KIAA1217: variants seen among roughly 807,000 people sequenced by gnomAD.
KIAA1217 encodes KIAA1217, also known as sickle tail protein homolog.
A neutral mutation model predicts 163.9 loss-of-function variants in KIAA1217; 88 were observed. The ratio of observed to expected loss-of-function variants is 0.54; its 90% CI spans 0.45 to 0.64. KIAA1217 has a LOEUF of 0.64. Among genes scored for constraint, KIAA1217 ranks in the 30% least tolerant of loss-of-function variants. The pLI, the probability that KIAA1217 is intolerant of heterozygous loss-of-function variation, is 0.00. For synonymous variants in KIAA1217, 903 were observed against 923.1 expected (o/e 0.98, Z 0.39); for missense variants, 2,372 against 2,475.0 (o/e 0.96, Z 0.88).
intron 2 of KIAA1217, among the ~76,000 whole-genome samples, chr10:24,027,867 C>T (rs753380342): frequency 2.6e-4 from 39 of 152,058 alleles, no homozygotes; most frequent in Non-Finnish European, 3.8e-4. Flanking sequence ...GTCAGATTTG[C>T]ACAGTGTCTA....
chr10:24,233,408 CT>C (rs1389753632), intron 2 of KIAA1217, among the ~76,000 whole-genome samples: 5 of 152,200 alleles, frequency 3.3e-5, no homozygotes, highest in Non-Finnish European at 5.9e-5. Context: ...CATTAGGCCC[CT>C]TCAACTTTGG....
rs961371253 is a variant in KIAA1217 at position 24,165,234 on chromosome 10, A to G, written c.-170-54392A>G. 4.6e-5 allele frequency among the ~76,000 whole-genome samples: 7 copies of G among 152,220 alleles called. No individual in the cohort carries two copies. The East Asian group carries it at 9.7e-4, about 21-fold the overall frequency. ...TTCTCCACCAGCCCACAAGGCTCCC[A>G]AGTTTCTTAGAGGATCCACTTGTAT... On this transcript the variant is annotated intron_variant, in intron 2 of 18. Transcript: ENST00000376462.
At chr10:23,994,722 A>G (rs191930715) in intron 1 of KIAA1217, among the ~76,000 whole-genome samples, 1 of 152,216 alleles carries the variant, frequency 6.6e-6, no homozygotes, top group Non-Finnish European at 1.5e-5. Flanking sequence ...TCCGAACCAT[A>G]CAACTTTTCT....
intron 1 of KIAA1217, among the ~76,000 whole-genome samples, chr10:23,858,623 A>G (rs1839814257): frequency 6.6e-6 from 1 of 152,128 alleles, no homozygotes; most frequent in South Asian, 2.1e-4. Flanking sequence ...TTCTGTTAGT[A>G]TAATCATAAG....
At chr10:23,810,941 G>GTATATAATA (rs1837001656) in intron 1 of KIAA1217, among the ~76,000 whole-genome samples, 1 of 109,080 alleles carries the variant, frequency 9.2e-6, no homozygotes, top group African/African-American at 4.0e-5. Flanking sequence ...ATATACTATA[G>GTATATAATA]TATATATTAT....
At chr10:24,349,071 T>C (rs536112973) in intron 2 of KIAA1217, among the ~76,000 whole-genome samples, 1 of 144,094 alleles carries the variant, frequency 6.9e-6, no homozygotes, top group Non-Finnish European at 1.5e-5. Flanking sequence ...AAGGCTGCAA[T>C]GAGCCATGAT....
At chr10:24,264,122 G>T (rs554318532) in intron 2 of KIAA1217, among the ~76,000 whole-genome samples, 141 of 152,258 alleles carry the variant, frequency 9.3e-4, no homozygotes, top group Middle Eastern at 3.4e-3. Context: ...GCCTCCCAAA[G>T]TGCTGGGATT....
intron 1 of KIAA1217, among the ~76,000 whole-genome samples, chr10:23,886,697 T>G (rs957793883): frequency 3.3e-5 from 5 of 152,032 alleles, no homozygotes; most frequent in Non-Finnish European, 7.4e-5. Flanking sequence ...TTAAAAGACA[T>G]CTTCTGTTAT....
At chr10:23,750,957 C>T (rs1378053159) in intron 1 of KIAA1217, among the ~76,000 whole-genome samples, 1 of 151,242 alleles carries the variant, frequency 6.6e-6, no homozygotes, top group East Asian at 1.9e-4. Context: ...CCTTCCCTTC[C>T]CCTCCCCTCC....
chr10:24,083,258 C>T (rs974603381), intron 2 of KIAA1217, among the ~76,000 whole-genome samples: 2 of 152,158 alleles, frequency 1.3e-5, no homozygotes, highest in African/African-American at 4.8e-5. Flanking sequence ...GTCTTTTGTG[C>T]CACAGATGAC....
At chr10:24,437,679 T>C (rs1189743162) in intron 4 of KIAA1217, among the ~76,000 whole-genome samples, 4 of 152,162 alleles carry the variant, frequency 2.6e-5, no homozygotes, top group African/African-American at 9.7e-5. Flanking sequence ...TTTGCTACGT[T>C]ATGACACCTT....
chr10:24,029,269 C>A (rs764651900), intron 2 of KIAA1217, among the ~76,000 whole-genome samples: 1 of 152,092 alleles, frequency 6.6e-6, no homozygotes, highest in African/African-American at 2.4e-5. Context: ...GAACATCAAA[C>A]CTTTCTTTAC....
intron 1 of KIAA1217, among the ~76,000 whole-genome samples, chr10:23,966,858 C>T (rs1280771336): frequency 6.6e-6 from 1 of 152,136 alleles, no homozygotes; most frequent in Non-Finnish European, 1.5e-5. Flanking sequence ...TATTATTCAA[C>T]CATCACAGGC....
intron 1 of KIAA1217, among the ~76,000 whole-genome samples, chr10:23,951,352 AG>A (rs1344677875): frequency 6.6e-6 from 1 of 152,170 alleles, no homozygotes; most frequent in Non-Finnish European, 1.5e-5. Flanking sequence ...AGCTCAGAAA[AG>A]TAAAATGATT....
At chr10:23,962,071 T>A (rs1844841211) in intron 1 of KIAA1217, among the ~76,000 whole-genome samples, 1 of 152,240 alleles carries the variant, frequency 6.6e-6, no homozygotes, top group Non-Finnish European at 1.5e-5. Flanking sequence ...AACGTAAGAA[T>A]GTTGGGGGCA....
chr10:24,018,182 C>T (rs1318527739), intron 2 of KIAA1217, among the ~76,000 whole-genome samples: 1 of 151,874 alleles, frequency 6.6e-6, no homozygotes, highest in Admixed American at 6.6e-5. Context: ...CAAAAAGTCA[C>T]CAAACACAAA....
intron 5 of KIAA1217, 75 bp downstream of exon 5, chr10:24,438,554 T>A: frequency 2.1e-6 from 2 of 956,076 alleles, no homozygotes; most frequent in Non-Finnish European, 3.4e-6. Context: ...ACTCCTGATG[T>A]AATCAGAACT....
intron 9 of KIAA1217, among the ~76,000 whole-genome samples, chr10:24,511,751 A>G (rs1267801626): frequency 6.6e-6 from 1 of 152,222 alleles, no homozygotes; most frequent in Non-Finnish European, 1.5e-5. Flanking sequence ...GTGTGAGAGC[A>G]TGATCATGAG....
intron 1 of KIAA1217, among the ~76,000 whole-genome samples, chr10:23,725,623 A>G (rs747157975): frequency 2.0e-5 from 3 of 152,218 alleles, no homozygotes; most frequent in Non-Finnish European, 4.4e-5. Context: ...GTAGAATAAA[A>G]TATGGAATGC....
Sources: allele counts gnomAD v4.1 joint callset (sites outside exome capture counted in the v4.1 genomes callset), GRCh38; gene constraint gnomAD v4.1.1; transcripts MANE v1.5; gene names NCBI Gene and HGNC (gene_info 2026-07-23, HGNC 2026-07-21).